The following DENND4A variants were observed in gnomAD, a reference collection of about 807,000 sequenced individuals.
DENND4A encodes C-myc promoter-binding protein.
In DENND4A, 70 loss-of-function variants were observed where a neutral mutation model predicts 199.3. The observed-to-expected ratio is 0.35, with a 90% CI of 0.29 to 0.43. DENND4A has a LOEUF of 0.43. Among genes scored for constraint, DENND4A ranks in the 20% least tolerant of loss-of-function variants. The probability of loss-of-function intolerance (pLI) is 1.00; values close to 1 mark genes in which losing one functional copy is unlikely to be tolerated. For synonymous variants in DENND4A, 686 were observed against 766.9 expected (o/e 0.89, Z 1.74); for missense variants, 1,723 against 2,255.8 (o/e 0.76, Z 4.78).
At chr15:65,666,777 T>A (rs1382480991) in intron 29 of DENND4A, among the ~76,000 whole-genome samples, 1 of 100,418 alleles carries the variant, frequency 1.0e-5, no homozygotes, top group African/African-American at 4.5e-5. Context: ...AGACCTTGTG[T>A]CAAAAAAAAA....
At chr15:65,718,603 G>C (rs2075490227) in intron 12 of DENND4A, among the ~76,000 whole-genome samples, 1 of 151,842 alleles carries the variant, frequency 6.6e-6, no homozygotes, top group Non-Finnish European at 1.5e-5. Flanking sequence ...AATAAAAAAG[G>C]AACATAAACC....
At chr15:65,752,773 T>C (rs1442544466) in intron 3 of DENND4A, 145 bp from the exon 4 acceptor site, 2 of 579,700 alleles carry the variant, frequency 3.5e-6, no homozygotes, top group Non-Finnish European at 5.7e-6. Context: ...CACGGTCTTG[T>C]ATGAATTAAA....
At chr15:65,690,031 G>C (rs939842537) in intron 23 of DENND4A, among the ~76,000 whole-genome samples, 1 of 152,222 alleles carries the variant, frequency 6.6e-6, no homozygotes, top group East Asian at 1.9e-4. Context: ...TAAGTCTATC[G>C]TAAGTTACTC....
At position 65,756,378 on chromosome 15, in the gene DENND4A, G is replaced by T; in HGVS notation, c.73C>A (p.Leu25Ile). ...VAGLTDVSKP[L>I]EEEIHFNDAC... ...TCATTGAAGTGAATTTCTTCTTCTA[G>T]AGGCTTTGAAACATCAGTTAATCCT... The change falls in exon 3 of 33, where the codon CTA (leucine) becomes ATA (isoleucine). Residue 25 changes from leucine (L) to isoleucine (I), a missense_variant. Leu to Ile is a conservative substitution (Grantham distance 5, BLOSUM62 2). This residue lies in a region of DENND4A where 725 missense variants were observed against 952.9 expected (regional missense o/e 0.76). Coordinates refer to ENST00000443035, the MANE Select transcript of DENND4A (RefSeq NM_001320835.1). 6.2e-7 allele frequency: 1 copy of T among 1,613,918 alleles called. No homozygotes were observed. The highest frequency in any genetic ancestry group is 8.5e-7 in the Non-Finnish European group (1 of 1,179,856).
intron 4 of DENND4A, among the ~76,000 whole-genome samples, chr15:65,744,472 T>A (rs992961651): frequency 3.3e-5 from 5 of 152,148 alleles, no homozygotes; most frequent in African/African-American, 1.2e-4. Flanking sequence ...CTCACCTCCA[T>A]GGGGTATCAA....
At chr15:65,758,164 T>C (rs2076761177) in intron 2 of DENND4A, among the ~76,000 whole-genome samples, 1 of 152,014 alleles carries the variant, frequency 6.6e-6, no homozygotes, top group African/African-American at 2.4e-5. Flanking sequence ...AGCAGATATA[T>C]CAAACAGAAG....
At chr15:65,709,398 T>A (rs2075160907) in intron 14 of DENND4A, among the ~76,000 whole-genome samples, 1 of 152,114 alleles carries the variant, frequency 6.6e-6, no homozygotes, top group Non-Finnish European at 1.5e-5. Context: ...TCTAACTACA[T>A]ATGAACTTTA....
At position 65,760,065 on chromosome 15, in the gene DENND4A, C is replaced by T. The variant is rs181882314; in HGVS notation, c.-23+1295G>A. 2.1e-3 allele frequency among the ~76,000 whole-genome samples: 317 copies of T among 152,182 alleles called. 2 individuals carry two copies. Among genetic ancestry groups the T allele is most frequent in the Middle Eastern group, 0.017 (5 of 294 alleles). ...ATATCAGCCTTTATTTATGTGCTTTCGTGTGTACATGAATTTTATATTATA... is the reference window on the plus strand; with the variant it reads ...ATATCAGCCTTTATTTATGTGCTTTTGTGTGTACATGAATTTTATATTATA... On this transcript the variant is annotated intron_variant, in intron 2 of 32. Transcript: ENST00000443035.
At chr15:65,723,075 T>G in intron 11 of DENND4A, 127 bp from the exon 12 acceptor site, 1 of 729,774 alleles carries the variant, frequency 1.4e-6, no homozygotes, top group East Asian at 3.2e-5. Context: ...AACAAAATAT[T>G]TGCATTAACA....
At chr15:65,737,980 T>C in intron 6 of DENND4A, 35 bp from the exon 7 acceptor site, 1 of 1,526,308 alleles carries the variant, frequency 6.6e-7, no homozygotes, top group Non-Finnish European at 8.8e-7. Context: ...TAAATATACT[T>C]TGTATCATAT....
Position 65,706,157 on chromosome 15 carries a change from G to C in DENND4A, c.2021C>G (p.Thr674Ser). ...ELDESFKSEH[T>S]VFVTPPEIPH... ...GATCTCAGGTGGTGTTACAAAAACA[G>C]TGTGTTCACTTTTGAAAGATTCATC... The change falls in exon 15 of 33, where the codon ACT becomes AGT. Residue 674 changes from threonine (T) to serine (S), a missense_variant. Coordinates refer to ENST00000443035, the MANE Select transcript of DENND4A (RefSeq NM_001320835.1). 1 of 1,608,136 alleles carries C rather than the reference G, an allele frequency of 6.2e-7. No homozygotes were observed.
rs565234499 is a variant in DENND4A at position 65,766,821 on chromosome 15, T to C, written c.-101-5383A>G. The C allele has an allele frequency of 3.9e-5, 6 of 152,256 alleles. No individual in the cohort carries two copies. The South Asian group carries it at 6.2e-4, about 16-fold the overall frequency. The allele number at this position is 152,256 out of a possible 1,614,324, so 9.4% of individuals were successfully genotyped here. On this transcript the variant is annotated intron_variant, in intron 1 of 32. Coordinates refer to ENST00000443035, the MANE Select transcript of DENND4A (RefSeq NM_001320835.1). The stretch of plus-strand genomic sequence containing the variant: ...AAAATAAGTGGACAACATAAAATAA[T>C]GCTACAGAACTACAGTGAGGATTCC...
chr15:65,699,789 C>T (rs990649618), intron 20 of DENND4A, among the ~76,000 whole-genome samples: 6 of 150,996 alleles, frequency 4.0e-5, no homozygotes, highest in Non-Finnish European at 5.9e-5. Context: ...AAGCAATTCT[C>T]CTACCTCAGC....
intron 5 of DENND4A, among the ~76,000 whole-genome samples, chr15:65,741,299 G>T (rs558387665): frequency 6.6e-6 from 1 of 152,028 alleles, no homozygotes; most frequent in Admixed American, 6.5e-5. Flanking sequence ...TCTGAAAATT[G>T]GACATTTTGA....
intron 14 of DENND4A, among the ~76,000 whole-genome samples, chr15:65,710,101 T>G (rs887764961): frequency 2.6e-5 from 4 of 152,170 alleles, no homozygotes; most frequent in Non-Finnish European, 4.4e-5. Context: ...GACAACATAA[T>G]GTATTAACCA....
chr15:65,740,153 C>T lies in DENND4A; in HGVS notation c.632-1278G>A, dbSNP rs553126307. 3.3e-5 allele frequency among the ~76,000 whole-genome samples: 5 copies of T among 151,988 alleles called. No homozygotes were observed. The East Asian group carries it at 7.8e-4, about 24-fold the overall frequency. ...CCAAGATCGTGCCACTGCACTCCAGCCTTTCAATGGTTGCACCCATTGGTA... is the reference window on the plus strand; with the variant it reads ...CCAAGATCGTGCCACTGCACTCCAGTCTTTCAATGGTTGCACCCATTGGTA... On this transcript the variant is annotated intron_variant, in intron 5 of 32. Transcript: ENST00000443035.
In DENND4A at chr15:65,668,011, T is replaced by G; in HGVS notation, c.4900A>C (p.Thr1634Pro). 1 of 1,612,802 alleles carries G rather than the reference T, an allele frequency of 6.2e-7. No homozygotes were observed. The highest frequency in any genetic ancestry group is 1.1e-5 in the South Asian group (1 of 90,728). ...TCTTCCTTATCCAAGGGGCCAGAAG[T>G]ACTAATACTCCTGGCCATTGGAAAT... ...PIFPMARSISTSGPLDKEDTG... is the reference protein window; with the variant it reads ...PIFPMARSISPSGPLDKEDTG... The change falls in exon 28 of 33, where the codon ACT (threonine) becomes CCT (proline). Residue 1634 changes from threonine to proline, a missense_variant. By Grantham distance (38) the Thr-to-Pro change is conservative. Transcript: ENST00000443035.
At position 65,660,157 on chromosome 15, in the gene DENND4A, G is replaced by T. The variant is rs1362099327; in HGVS notation, c.*1694C>A. ...GATCTGAATAGTAAAGAATAATATT[G>T]GAGTGGTATTTACAAAGGAGAGGCA... On this transcript the variant is annotated 3_prime_UTR_variant, in exon 33 of 33. Coordinates refer to ENST00000443035, the MANE Select transcript of DENND4A (RefSeq NM_001320835.1). The T allele has an allele frequency of 9.2e-6, 6 of 649,610 alleles. No homozygotes were observed. The highest frequency in any genetic ancestry group is 1.6e-5 in the Non-Finnish European group (6 of 366,694). The allele number at this position is 649,610 out of a possible 1,614,324, so 40.2% of individuals were successfully genotyped here.
At chr15:65,682,859 G>C (rs557698342) in intron 23 of DENND4A, among the ~76,000 whole-genome samples, 5 of 152,182 alleles carry the variant, frequency 3.3e-5, no homozygotes, top group African/African-American at 1.2e-4. Flanking sequence ...AGGAGAGGGA[G>C]AGAGTCAGGA....
Sources: allele counts gnomAD v4.1 joint callset (sites outside exome capture counted in the v4.1 genomes callset), GRCh38; gene constraint gnomAD v4.1.1; regional missense constraint gnomAD v4.1.1; transcripts MANE v1.5; gene names NCBI Gene and HGNC (gene_info 2026-07-23, HGNC 2026-07-21).